MATN4: variants seen among roughly 807,000 people sequenced by gnomAD.
The protein encoded by MATN4 is matrilin-4.
A neutral mutation model predicts 54.6 loss-of-function variants in MATN4; 40 were observed. The ratio of observed to expected loss-of-function variants is 0.73; its 90% CI spans 0.57 to 0.95. The LOEUF (loss-of-function observed/expected upper bound fraction) is 0.95, where lower values mean the gene tolerates loss of function less well. Among genes scored for constraint, MATN4 ranks in the 40% least tolerant of loss-of-function variants. The probability of loss-of-function intolerance (pLI) is 0.00; values close to 1 mark genes in which losing one functional copy is unlikely to be tolerated. For synonymous variants in MATN4, 351 were observed against 345.3 expected (o/e 1.02, Z -0.18); for missense variants, 810 against 819.1 (o/e 0.99, Z 0.13).
intron 1 of MATN4, chr20:45,306,807 A>T: frequency 1.2e-6 from 1 of 808,720 alleles, no homozygotes. Flanking sequence ...TAAGGCCTGG[A>T]CAGGATATAA....
chr20:45,301,534 C>T (rs1388232403), intron 3 of MATN4, 91 bp from the exon 4 acceptor site: 10 of 1,366,738 alleles, frequency 7.3e-6, no homozygotes, highest in African/African-American at 1.4e-5. Context: ...AGAATACCTA[C>T]GCCTGGGCCC....
rs533656697 is a variant in MATN4 at position 45,296,075 on chromosome 20, C to T, written c.1579+1843G>A. On this transcript the variant is annotated intron_variant, in intron 8 of 9. Coordinates refer to ENST00000372756, the MANE Select transcript of MATN4 (RefSeq NM_001393530.1). ...CTAAAACTAGAAAAAATTAGCCGGGCGTGGTGGCATGCGCCTGTTGTCCCA... is the reference window on the plus strand; with the variant it reads ...CTAAAACTAGAAAAAATTAGCCGGGTGTGGTGGCATGCGCCTGTTGTCCCA... Among the ~76,000 whole-genome samples, 33 of 151,656 alleles carry T rather than the reference C, an allele frequency of 2.2e-4. No homozygotes were observed. The East Asian group carries it at 5.1e-3, about 23-fold the overall frequency.
chr20:45,293,665 C>T lies in MATN4; in HGVS notation c.*102G>A, dbSNP rs536518613. ...GCGCCTCCGCCCCGACAGCCCAAGCCGGACGGGCCCAGGTTCTGCCTGGCC... is the reference window on the plus strand; with the variant it reads ...GCGCCTCCGCCCCGACAGCCCAAGCTGGACGGGCCCAGGTTCTGCCTGGCC... On this transcript the variant is annotated 3_prime_UTR_variant, in exon 10 of 10. Transcript: ENST00000372756. The T allele has an allele frequency of 6.1e-6, 7 of 1,143,298 alleles. No individual in the cohort carries two copies. The highest frequency in any genetic ancestry group is 7.1e-6 in the Non-Finnish European group (6 of 841,262). 70.8% of individuals were successfully genotyped at this position (1,143,298 alleles called of 1,614,324 possible). A position where few individuals can be genotyped will look rare whatever the true frequency, so the allele number is the denominator to read the frequency against.
chr20:45,308,353 G>A (rs1323160369), upstream of MATN4: 2 of 769,486 alleles, frequency 2.6e-6, no homozygotes, highest in South Asian at 1.5e-5. Flanking sequence ...GGTGGGGAGG[G>A]GAAGTGCAGG....
In MATN4 at chr20:45,298,382, G is replaced by C. The variant is rs746117741; in HGVS notation, c.1214C>G (p.Ala405Gly). 2 of 1,612,448 alleles carry C rather than the reference G, an allele frequency of 1.2e-6. No homozygotes were observed. The highest frequency in any genetic ancestry group is 4.5e-5 in the East Asian group (2 of 44,868). ...CAGGACCGCCTGCTTCACCTCGGCT[G>C]CGGTGCCGTAGCGACCCAGAGGGAA... ...TEFPLGRYGT[A>G]AEVKQAVLAV... The change falls in exon 7 of 10, where the codon GCA becomes GGA. Residue 405 changes from alanine (A) to glycine (G), a missense_variant. Physicochemically the swap from Ala to Gly is moderately conservative, Grantham distance 60. Coordinates refer to ENST00000372756, the MANE Select transcript of MATN4 (RefSeq NM_001393530.1). The surrounding 1 kb of genome is among the most constrained non-coding windows in gnomAD (Gnocchi z 4.6).
intron 3 of MATN4, among the ~76,000 whole-genome samples, 183 bp from the exon 4 acceptor site, chr20:45,301,626 C>T (rs557815028): frequency 2.6e-4 from 39 of 152,248 alleles, no homozygotes; most frequent in Non-Finnish European, 4.6e-4. Context: ...GGTTTGGCCA[C>T]TTTACCTATT....
chr20:45,300,950 G>C lies in MATN4; in HGVS notation c.949C>G (p.Leu317Val), dbSNP rs756291970. The C allele has an allele frequency of 1.2e-6, 2 of 1,613,918 alleles. No homozygotes were observed. Among genetic ancestry groups the C allele is most frequent in the Non-Finnish European group, 1.7e-6 (2 of 1,180,024 alleles). The part of the protein sequence containing the change: ...GCEFQCVSEG[L>V]SYRCLCPEGR... ...TCGGGGCACAGGCAGCGGTAGGAGA[G>C]GCCCTCGCTCACACACTGGAACTCA... Residue 317 changes from leucine to valine, a missense_variant, in exon 6 of 10, where the codon CTC becomes GTC. Physicochemically the swap from Leu to Val is conservative, Grantham distance 32. Transcript: ENST00000372756.
intron 1 of MATN4, chr20:45,306,776 C>A (rs2145676406): frequency 1.7e-6 from 1 of 577,244 alleles, no homozygotes; most frequent in Non-Finnish European, 2.6e-6. Context: ...AACAGGGGGC[C>A]GGGGCCCGGG....
At chr20:45,295,627 T>G in intron 8 of MATN4, among the ~76,000 whole-genome samples, 1 of 152,102 alleles carries the variant, frequency 6.6e-6, no homozygotes, top group South Asian at 2.1e-4. Context: ...GACCTTGTGA[T>G]CTGCCCACCT....
chr20:45,301,505 C>T (rs1294939029), intron 3 of MATN4, 62 bp from the exon 4 acceptor site: 4 of 1,547,658 alleles, frequency 2.6e-6, no homozygotes, highest in Non-Finnish European at 3.5e-6. Context: ...GGTAGCACAA[C>T]CACCTAAGGA....
intron 6 of MATN4, among the ~76,000 whole-genome samples, chr20:45,299,402 G>A (rs1226004457): frequency 1.3e-5 from 2 of 152,182 alleles, no homozygotes; most frequent in African/African-American, 2.4e-5. Context: ...GAGTTGTTAA[G>A]GAAGGCTGCA....
chr20:45,300,182 G>C (rs1178990555), intron 6 of MATN4, among the ~76,000 whole-genome samples: 1 of 152,200 alleles, frequency 6.6e-6, no homozygotes, highest in African/African-American at 2.4e-5. Context: ...AGTCTTGAAA[G>C]ATCAGTAGGA....
At position 45,293,743 on chromosome 20, in the gene MATN4, C is replaced by G; in HGVS notation, c.*24G>C. ...ACCGTCCGTGGTGCCGCGCCCCAGC[C>G]CGGGTCTGGGCCGTCCGTGGCCCTC... On this transcript the variant is annotated 3_prime_UTR_variant, in exon 10 of 10. Coordinates refer to ENST00000372756, the MANE Select transcript of MATN4 (RefSeq NM_001393530.1). 1 of 1,590,086 alleles carries G rather than the reference C, an allele frequency of 6.3e-7. No homozygotes were observed. The highest frequency in any genetic ancestry group is 1.1e-5 in the South Asian group (1 of 89,644).
intron 6 of MATN4, among the ~76,000 whole-genome samples, chr20:45,299,410 G>A (rs1219236200): frequency 2.6e-5 from 4 of 152,192 alleles, no homozygotes; most frequent in African/African-American, 9.7e-5. Flanking sequence ...AAGGAAGGCT[G>A]CATGGAGATG....
chr20:45,304,018 T>C (rs932102384), intron 3 of MATN4, among the ~76,000 whole-genome samples: 1 of 151,546 alleles, frequency 6.6e-6, no homozygotes. Context: ...CTGTGGCGGG[T>C]AGGGCAAGAA....
At chr20:45,301,584 T>G (rs1186273255) in intron 3 of MATN4, 141 bp from the exon 4 acceptor site, 1 of 808,146 alleles carries the variant, frequency 1.2e-6, no homozygotes, top group East Asian at 2.7e-5. Context: ...AGGGCCCCTG[T>G]CCTCAAGATG....
At position 45,298,320 on chromosome 20, in the gene MATN4, G is replaced by A; in HGVS notation, c.1276C>T (p.Leu426=). 1 of 1,613,564 alleles carries A rather than the reference G, an allele frequency of 6.2e-7. No individual in the cohort carries two copies. The highest frequency in any genetic ancestry group is 8.5e-7 in the Non-Finnish European group (1 of 1,179,904). Residue 426 remains leucine (L), a synonymous_variant, in exon 7 of 10, where the codon CTG becomes TTG. Coordinates refer to ENST00000372756, the MANE Select transcript of MATN4 (RefSeq NM_001393530.1). This position sits in a 1 kb window ranked among gnomAD's most constrained non-coding sequence, Gnocchi z 4.6. ...TGCTCCACCATGTGCCGCAACGCCA[G>A]CCCTGTCATGGTGCCGCGTTCCATG... ...EYMERGTMTG[L]ALRHMVEHSF...
At chr20:45,308,445 G>A (rs888621019), upstream of MATN4, 11 of 579,574 alleles carry the variant, frequency 1.9e-5, no homozygotes, top group Admixed American at 8.9e-5. Context: ...CTCCTACCAC[G>A]CTTGGAGCTG....
At position 45,301,372 on chromosome 20, in the gene MATN4, A is replaced by G; in HGVS notation, c.715T>C (p.Cys239Arg). ...HCVNSPGSYF[C>R]HCQVGFVLQQ... ...AGTACAAAGCCAACTTGGCAGTGACAGAAATAGGAGCCTGGGGAATTGACG... is the reference window on the plus strand; with the variant it reads ...AGTACAAAGCCAACTTGGCAGTGACGGAAATAGGAGCCTGGGGAATTGACG... The change falls in exon 4 of 10, where the codon TGT becomes CGT. Residue 239 changes from cysteine (C) to arginine (R), a missense_variant. By Grantham distance (180) the Cys-to-Arg change is radical. Coordinates refer to ENST00000372756, the MANE Select transcript of MATN4 (RefSeq NM_001393530.1). 1 of 1,614,210 alleles carries G rather than the reference A, an allele frequency of 6.2e-7. No homozygotes were observed.
Sources: gnomAD v4.1 joint callset for allele counts (sites outside exome capture counted in the v4.1 genomes callset) on GRCh38, gnomAD v4.1.1 for gene constraint, Gnocchi (gnomAD v3.1) non-coding constraint, MANE v1.5 for transcripts, NCBI Gene and HGNC (gene_info 2026-07-23, HGNC 2026-07-21) for gene names.